The following OPCML variants were observed in gnomAD, a reference collection of about 807,000 sequenced individuals.
OPCML encodes opioid binding protein/cell adhesion molecule like.
A neutral mutation model predicts 37.8 loss-of-function variants in OPCML; 13 were observed. The observed-to-expected ratio is 0.34, with a 90% CI of 0.22 to 0.55. The LOEUF (loss-of-function observed/expected upper bound fraction) is 0.55. Among genes scored for constraint, OPCML ranks in the 20% least tolerant of loss-of-function variants. The pLI, the probability that OPCML is intolerant of heterozygous loss-of-function variation, is 0.91. For missense variants in OPCML, 341 were observed against 435.6 expected, an observed-to-expected ratio of 0.78 and a Z score of 1.93; for synonymous variants, 176 against 168.8, an observed-to-expected ratio of 1.04 and a Z score of -0.33.
intron 3 of OPCML, among the ~76,000 whole-genome samples, chr11:132,635,045 A>G (rs1940398511): frequency 6.6e-6 from 1 of 152,124 alleles, no homozygotes; most frequent in African/African-American, 2.4e-5. Flanking sequence ...TTGTGTTTGG[A>G]AATCCAATAT....
intron 1 of OPCML, among the ~76,000 whole-genome samples, chr11:132,956,987 C>T (rs1205523869): frequency 6.6e-6 from 1 of 152,122 alleles, no homozygotes; most frequent in Non-Finnish European, 1.5e-5. Context: ...AAAAAACAGG[C>T]AGATGTGCTG....
At chr11:133,258,857 G>A (rs534281800) in intron 1 of OPCML, among the ~76,000 whole-genome samples, 23 of 152,302 alleles carry the variant, frequency 1.5e-4, no homozygotes, top group African/African-American at 5.1e-4. Flanking sequence ...CTCCCCAGAG[G>A]CTTCTTAGAA....
intron 2 of OPCML, among the ~76,000 whole-genome samples, chr11:132,854,896 C>T (rs1429222377): frequency 2.6e-5 from 4 of 152,210 alleles, no homozygotes; most frequent in Non-Finnish European, 4.4e-5. Context: ...TCTAGCCTCA[C>T]AGGCCCTCTG....
intron 2 of OPCML, among the ~76,000 whole-genome samples, chr11:132,803,197 C>T (rs1165582836): frequency 1.3e-5 from 2 of 152,198 alleles, no homozygotes; most frequent in Non-Finnish European, 2.9e-5. Flanking sequence ...TCCCCTCCTC[C>T]TCCCCACCAG....
chr11:132,827,422 A>C (rs1378745871), intron 2 of OPCML, among the ~76,000 whole-genome samples: 1 of 152,216 alleles, frequency 6.6e-6, no homozygotes. Flanking sequence ...ATTCTGGCAA[A>C]GATATGGAAC....
intron 3 of OPCML, among the ~76,000 whole-genome samples, chr11:132,607,562 A>T (rs924844909): frequency 5.3e-5 from 8 of 152,290 alleles, no homozygotes; most frequent in African/African-American, 1.9e-4. Flanking sequence ...TTTGAATCAC[A>T]CAAAGAATAG....
At chr11:132,791,448 C>T (rs186754091) in intron 2 of OPCML, among the ~76,000 whole-genome samples, 2 of 152,178 alleles carry the variant, frequency 1.3e-5, no homozygotes, top group East Asian at 3.9e-4. Flanking sequence ...ACTATCAGAC[C>T]CCTCCTAACT....
intron 4 of OPCML, among the ~76,000 whole-genome samples, chr11:132,458,940 A>T (rs2136897758): frequency 6.6e-6 from 1 of 152,296 alleles, no homozygotes; most frequent in South Asian, 2.1e-4. Context: ...TGTGTGTATT[A>T]TTCTTTTGTG....
intron 2 of OPCML, among the ~76,000 whole-genome samples, chr11:132,727,301 C>T (rs1944921068): frequency 2.0e-5 from 3 of 152,182 alleles, no homozygotes; most frequent in Non-Finnish European, 4.4e-5. Flanking sequence ...ACTAGGTGAT[C>T]TGACGTTTCA....
chr11:132,932,106 G>C (rs949725029), intron 2 of OPCML, among the ~76,000 whole-genome samples: 16 of 152,130 alleles, frequency 1.1e-4, no homozygotes, highest in Non-Finnish European at 1.8e-4. Flanking sequence ...TAGTACAATA[G>C]AATAGTAATA....
intron 2 of OPCML, among the ~76,000 whole-genome samples, chr11:132,691,591 T>A (rs1031469541): frequency 6.6e-6 from 1 of 152,166 alleles, no homozygotes; most frequent in Non-Finnish European, 1.5e-5. Context: ...GCCTGGACCA[T>A]CCAGTGACAG....
Position 132,860,275 on chromosome 11 carries a change from T to G in OPCML, c.146+82651A>C, listed in dbSNP as rs78718247. ...TGCAGACAGCCACACACTTCTCATG[T>G]TCCTGAACCTGATGCAGAACAAAGG... On this transcript the variant is annotated intron_variant, in intron 2 of 7. Transcript: ENST00000524381. Among the ~76,000 whole-genome samples the G allele has an allele frequency of 8.8e-3, 1,347 of 152,360 alleles. 14 individuals are homozygous for G. Among genetic ancestry groups the G allele is most frequent in the Non-Finnish European group, 0.016 (1,074 of 68,038 alleles).
intron 1 of OPCML, among the ~76,000 whole-genome samples, chr11:133,413,985 C>A (rs1206485267): frequency 6.6e-6 from 1 of 152,170 alleles, no homozygotes; most frequent in Admixed American, 6.5e-5. Context: ...AATGTTCCCT[C>A]TCCTCTTACT....
intron 1 of OPCML, among the ~76,000 whole-genome samples, chr11:133,454,472 A>G (rs571185672): frequency 6.6e-6 from 1 of 152,328 alleles, no homozygotes; most frequent in South Asian, 2.1e-4. Flanking sequence ...ATTGGAAAAT[A>G]GGATCAATAT....
intron 1 of OPCML, among the ~76,000 whole-genome samples, chr11:133,015,365 G>GAGGAAGGA (rs1565398643): frequency 1.6e-4 from 17 of 109,108 alleles, no homozygotes; most frequent in African/African-American, 5.3e-4. Context: ...GGAAGGAAGG[G>GAGGAAGGA]AGGAATGAAG....
At chr11:132,718,653 T>C (rs147793287) in intron 2 of OPCML, among the ~76,000 whole-genome samples, 1 of 152,226 alleles carries the variant, frequency 6.6e-6, no homozygotes, top group Non-Finnish European at 1.5e-5. Flanking sequence ...CCACTGTGGA[T>C]AGTGGACGTG....
intron 2 of OPCML, among the ~76,000 whole-genome samples, chr11:132,781,883 T>C (rs907476618): frequency 6.7e-6 from 1 of 149,752 alleles, no homozygotes; most frequent in African/African-American, 2.4e-5. Context: ...CAATGACGTC[T>C]TCTATCAGTG....
chr11:133,247,540 T>TTTTCTTTCCTTCTTTCTTTCTTTC (rs1555122387), intron 1 of OPCML, among the ~76,000 whole-genome samples: 11 of 122,408 alleles, frequency 9.0e-5, no homozygotes, highest in Non-Finnish European at 1.6e-4. Flanking sequence ...CTTTCCTTCT[T>TTTTCTTTCCTTCTTTCTTTCTTTC]TTTCTTTCTT....
At chr11:133,483,709 T>TAGAC (rs1441355090) in intron 1 of OPCML, among the ~76,000 whole-genome samples, 2 of 146,852 alleles carry the variant, frequency 1.4e-5, no homozygotes, top group African/African-American at 2.6e-5. Flanking sequence ...GATAGATAGA[T>TAGAC]AGATAGATAG....
Sources: gnomAD v4.1 joint callset for allele counts (sites outside exome capture counted in the v4.1 genomes callset) on GRCh38, gnomAD v4.1.1 for gene constraint, MANE v1.5 for transcripts, NCBI Gene and HGNC (gene_info 2026-07-23, HGNC 2026-07-21) for gene names.